TECTB: variants seen among roughly 807,000 people sequenced by gnomAD.
TECTB encodes the protein tectorin beta, also known as beta-tectorin.
TECTB carries 45 observed loss-of-function variants against 43.3 expected under a neutral mutation model. The observed-to-expected ratio is 1.04, with a 90% confidence interval of 0.82 to 1.33. The LOEUF is 1.33. Among genes scored for constraint, TECTB ranks in the 40% most tolerant of loss-of-function variants. The pLI is 0.00. For missense variants in TECTB, 399 were observed against 404.7 expected (o/e 0.99, Z 0.12); for synonymous variants, 169 against 156.7 (o/e 1.08, Z -0.59).
intron 5 of TECTB, 50 bp from the exon 6 acceptor site, chr10:112,293,688 G>T (rs775823588): frequency 2.6e-6 from 4 of 1,544,176 alleles, no homozygotes; most frequent in Non-Finnish European, 3.6e-6. Context: ...GGTAGACCTA[G>T]CTGCTCAATC....
chr10:112,284,500 T>G (rs749993106), intron 2 of TECTB, 35 bp from the exon 3 acceptor site: 117 of 1,537,058 alleles, frequency 7.6e-5, no homozygotes, highest in Non-Finnish European at 9.9e-5. Context: ...ATGATTACCC[T>G]AACTGATTTT....
Position 112,299,377 on chromosome 10 carries a change from A to G in TECTB, c.835-115A>G, listed in dbSNP as rs985138128. 4.2e-6 allele frequency: 4 copies of G among 942,486 alleles called. No individual in the cohort carries two copies. The African/African-American group carries it at 6.6e-5, about 16-fold the overall frequency. 58.4% of individuals were successfully genotyped at this position (942,486 alleles called of 1,614,324 possible). A position where few individuals can be genotyped will look rare whatever the true frequency, so the allele number is the denominator to read the frequency against. ...CATCTCTGTTGACTGGGGAATTGTG[A>G]CTCCACCCCATTTGTGACCTTTTTA... On this transcript the variant is annotated intron_variant, in intron 8 of 10. Transcript: ENST00000646139.
intron 5 of TECTB, among the ~76,000 whole-genome samples, chr10:112,290,063 T>C (rs1020722981): frequency 6.6e-6 from 1 of 152,164 alleles, no homozygotes; most frequent in African/African-American, 2.4e-5. Flanking sequence ...AAATATTAAA[T>C]GGAAAATTCT....
At chr10:112,284,767 C>T in intron 3 of TECTB, 42 bp downstream of exon 3, 1 of 1,407,016 alleles carries the variant, frequency 7.1e-7, no homozygotes. Flanking sequence ...TAAGGTAAGG[C>T]AACTGGACCC....
In TECTB at chr10:112,284,656, A is replaced by T. The variant is rs1848439808; in HGVS notation, c.198A>T (p.Gly66=). 2 of 1,613,526 alleles carry T rather than the reference A, an allele frequency of 1.2e-6. No individual in the cohort carries two copies. Among genetic ancestry groups the T allele is most frequent in the Non-Finnish European group, 1.7e-6 (2 of 1,179,740 alleles). ...TGTGTTACAATGGGGTCCACGAAGGAGGTTACTACCAATTTGTGATCCCAG... is the reference window on the plus strand; with the variant it reads ...TGTGTTACAATGGGGTCCACGAAGGTGGTTACTACCAATTTGTGATCCCAG... The part of the protein sequence containing the change: ...GGLCYNGVHE[G]GYYQFVIPDL... The change falls in exon 3 of 11, where the codon GGA becomes GGT. Residue 66 remains glycine, a synonymous_variant. Coordinates refer to ENST00000646139, the MANE Select transcript of TECTB (RefSeq NM_058222.3).
chr10:112,299,816 G>C, intron 9 of TECTB: 1 of 476,230 alleles, frequency 2.1e-6, no homozygotes, highest in Non-Finnish European at 3.8e-6. Context: ...CAAAGAATCA[G>C]GAAGTGCTGA....
rs753091782 is a variant in TECTB, at chr10:112,299,694, C to T, written c.907+130C>T. 4.2e-6 allele frequency: 4 copies of T among 956,104 alleles called. No individual in the cohort carries two copies. In the Middle Eastern group the frequency reaches 1.0e-3, roughly 245 times the overall value. 59.2% of individuals were successfully genotyped at this position (956,104 alleles called of 1,614,324 possible). On this transcript the variant is annotated intron_variant, in intron 9 of 10. Transcript: ENST00000646139. Reference sequence around the variant, plus strand: ...TCGTGCCTGTGGGCACAACCTTCACCTGCTCCTGGAGTCTTCCAGCCAGGG... The same window carrying T: ...TCGTGCCTGTGGGCACAACCTTCACTTGCTCCTGGAGTCTTCCAGCCAGGG...
chr10:112,293,859 A>G lies in TECTB; in HGVS notation c.587+18A>G, dbSNP rs1392124987. The G allele has an allele frequency of 6.2e-7, 1 of 1,612,500 alleles. No homozygotes were observed. The highest frequency in any genetic ancestry group is 1.1e-5 in the South Asian group (1 of 91,042). On this transcript the variant is annotated intron_variant, in intron 6 of 10. Transcript: ENST00000646139. The stretch of plus-strand genomic sequence containing the variant: ...AGCATTAGGTAAGTACATTTCCTCC[A>G]AGTTTATATGTTTAAATGCAAAGAA...
intron 7 of TECTB, among the ~76,000 whole-genome samples, chr10:112,295,060 T>C (rs1848533717): frequency 6.6e-6 from 1 of 152,124 alleles, no homozygotes; most frequent in African/African-American, 2.4e-5. Context: ...GTACTTAGAA[T>C]TGTACTATTG....
intron 7 of TECTB, among the ~76,000 whole-genome samples, chr10:112,294,612 G>C (rs1434609679): frequency 3.3e-5 from 5 of 152,116 alleles, no homozygotes; most frequent in Admixed American, 3.3e-4. Context: ...ACAATTTGGA[G>C]TAAAGCACTA....
chr10:112,290,049 C>A (rs1848485095), intron 5 of TECTB, among the ~76,000 whole-genome samples: 1 of 152,026 alleles, frequency 6.6e-6, no homozygotes, highest in Admixed American at 6.5e-5. Flanking sequence ...AAACTGTGGT[C>A]CAAAAATATT....
chr10:112,303,372 C>T lies in TECTB; in HGVS notation c.*60C>T. ...AATAGTCCTCAGCGAATGACAAACA[C>T]ATTTATTGTGCTGCCAAAAAGAACA... On this transcript the variant is annotated 3_prime_UTR_variant, in exon 11 of 11. Coordinates refer to ENST00000646139, the MANE Select transcript of TECTB (RefSeq NM_058222.3). The T allele has an allele frequency of 2.5e-6, 4 of 1,598,462 alleles. No homozygotes were observed. The highest frequency in any genetic ancestry group is 1.1e-5 in the South Asian group (1 of 90,618).
intron 9 of TECTB, 150 bp from the exon 10 acceptor site, chr10:112,301,951 C>A (rs892949298): frequency 2.5e-6 from 2 of 786,510 alleles, no homozygotes; most frequent in African/African-American, 1.8e-5. Flanking sequence ...CCTCAAGTGA[C>A]CCGCCCACCT....
In TECTB at chr10:112,286,129, T is replaced by C. The variant is rs756407563; in HGVS notation, c.326T>C (p.Ile109Thr). 6.2e-7 allele frequency: 1 copy of C among 1,614,134 alleles called. No homozygotes were observed. The highest frequency in any genetic ancestry group is 1.1e-5 in the South Asian group (1 of 91,086). The change falls in exon 4 of 11, where the codon ATT becomes ACT. Residue 109 changes from isoleucine (I) to threonine (T), a missense_variant. Ile to Thr is a moderately conservative substitution (Grantham distance 89). Transcript: ENST00000646139. ...SHIVSNDTTV[I>T]VKNQPVNYSF... ...ATCGTTTCCAATGACACCACAGTGA[T>C]TGTAAAAAACCAGCCTGTCAACTAC...
chr10:112,286,498 C>G, intron 5 of TECTB, 107 bp downstream of exon 5: 5 of 1,195,726 alleles, frequency 4.2e-6, no homozygotes, highest in Non-Finnish European at 5.8e-6. Flanking sequence ...TGCAGAGCCC[C>G]ATTCTTAAAT....
At chr10:112,289,545 C>G (rs1848481272) in intron 5 of TECTB, among the ~76,000 whole-genome samples, 1 of 152,162 alleles carries the variant, frequency 6.6e-6, no homozygotes, top group African/African-American at 2.4e-5. Context: ...TATCTGACAC[C>G]CTGAACTCTC....
chr10:112,284,921 G>A (rs1848441872), intron 3 of TECTB, among the ~76,000 whole-genome samples, 196 bp downstream of exon 3: 1 of 152,162 alleles, frequency 6.6e-6, no homozygotes, highest in Admixed American at 6.5e-5. Context: ...TAACTCTTTT[G>A]GCTTGACTCT....
intron 5 of TECTB, among the ~76,000 whole-genome samples, chr10:112,288,241 A>G (rs1848471023): frequency 6.6e-6 from 1 of 152,214 alleles, no homozygotes; most frequent in Admixed American, 6.5e-5. Flanking sequence ...AGACACCAGG[A>G]TTGTCAAAAA....
intron 7 of TECTB, among the ~76,000 whole-genome samples, chr10:112,295,939 G>A (rs983449638): frequency 7.9e-5 from 12 of 152,150 alleles, no homozygotes; most frequent in African/African-American, 1.4e-4. Context: ...GTATGCAGGT[G>A]TACTGTAAAC....
Sources: allele counts gnomAD v4.1 joint callset (sites outside exome capture counted in the v4.1 genomes callset), GRCh38; gene constraint gnomAD v4.1.1; transcripts MANE v1.5; gene names NCBI Gene and HGNC (gene_info 2026-07-23, HGNC 2026-07-21).